ZNF695: variants seen among roughly 807,000 people sequenced by gnomAD.
The protein encoded by ZNF695 is zinc finger protein 695.
ZNF695 carries 11 observed loss-of-function variants against 11.2 expected under a neutral mutation model. The ratio of observed to expected loss-of-function variants is 0.98; its 90% CI spans 0.62 to 1.62. The LOEUF (loss-of-function observed/expected upper bound fraction) is 1.62. Ranked by LOEUF, ZNF695 falls within the 40% of genes most tolerant of loss-of-function variation. ZNF695 has a pLI of 0.00. For missense variants in ZNF695, 559 were observed against 590.5 expected (o/e 0.95, Z 0.55); for synonymous variants, 190 against 201.4 (o/e 0.94, Z 0.48).
chr1:246,959,715 C>A (rs540395797), intron 5 of ZNF695, among the ~76,000 whole-genome samples: 5 of 151,664 alleles, frequency 3.3e-5, no homozygotes. Context: ...TGTGAGCCAC[C>A]GTGCCTGGCC....
chr1:246,976,784 A>G (rs1201217140), intron 4 of ZNF695, among the ~76,000 whole-genome samples: 1 of 151,996 alleles, frequency 6.6e-6, no homozygotes, highest in Non-Finnish European at 1.5e-5. Context: ...ACAGAGCGAA[A>G]CTCCGTCTCA....
chr1:246,996,955 G>T (rs941709328), intron 3 of ZNF695, among the ~76,000 whole-genome samples: 1 of 152,100 alleles, frequency 6.6e-6, no homozygotes, highest in Non-Finnish European at 1.5e-5. Flanking sequence ...ATTTATAAAG[G>T]CAAACAAACT....
intron 4 of ZNF695, chr1:246,968,779 A>G (rs1395796346): frequency 6.6e-6 from 1 of 152,254 alleles, no homozygotes; most frequent in Non-Finnish European, 1.5e-5. Context: ...GAAGCCTCCA[A>G]GGCTTGTGTC....
At chr1:246,984,175 A>C (rs1195026859), downstream of ZNF695, among the ~76,000 whole-genome samples, 1 of 148,246 alleles carries the variant, frequency 6.7e-6, no homozygotes, top group Admixed American at 6.8e-5. Flanking sequence ...AAAAAAGAAG[A>C]AGAAAAAGAG....
chr1:246,990,319 T>A (rs1036239469), intron 3 of ZNF695, among the ~76,000 whole-genome samples: 27 of 152,316 alleles, frequency 1.8e-4, no homozygotes, highest in Middle Eastern at 3.4e-3. Context: ...GGAGTCACTA[T>A]ACTGGTGTCA....
At chr1:246,950,054 A>G (rs955004456) in intron 5 of ZNF695, among the ~76,000 whole-genome samples, 1 of 152,212 alleles carries the variant, frequency 6.6e-6, no homozygotes, top group African/African-American at 2.4e-5. Context: ...TTATTGTACT[A>G]AAGTCATATA....
At chr1:246,974,280 G>T (rs1307654493) in intron 4 of ZNF695, among the ~76,000 whole-genome samples, 7 of 152,128 alleles carry the variant, frequency 4.6e-5, no homozygotes, top group Non-Finnish European at 7.4e-5. Context: ...TCAGTTATTC[G>T]GGAAGACCAG....
chr1:247,004,550 A>T (rs564640957), intron 1 of ZNF695, among the ~76,000 whole-genome samples: 2 of 152,334 alleles, frequency 1.3e-5, no homozygotes, highest in South Asian at 4.1e-4. Flanking sequence ...GCCAACTTTC[A>T]CCAGTTACTC....
intron 5 of ZNF695, among the ~76,000 whole-genome samples, chr1:246,949,412 G>A (rs745385980): frequency 8.5e-5 from 13 of 152,146 alleles, no homozygotes; most frequent in Admixed American, 2.0e-4. Flanking sequence ...CCAACATGGC[G>A]AAACCCCGTC....
rs186110264 is a variant in ZNF695, at chr1:246,951,718, T to C, written c.489-5891A>G. ...AAATTGTCAGGAAAGCCAGCTTCTGTGTGGAAGATCCTTCCTGTGGGAACT... is the reference window on the plus strand; with the variant it reads ...AAATTGTCAGGAAAGCCAGCTTCTGCGTGGAAGATCCTTCCTGTGGGAACT... On this transcript the variant is annotated intron_variant, in intron 5 of 5. Transcript: ENST00000487338. Among the ~76,000 whole-genome samples the C allele has an allele frequency of 4.1e-4, 63 of 152,284 alleles. 1 individual carries two copies. Among genetic ancestry groups the C allele is most frequent in the Admixed American group, 2.9e-3 (45 of 15,290 alleles).
intron 1 of ZNF695, among the ~76,000 whole-genome samples, chr1:247,002,055 C>T (rs1228765151): frequency 1.3e-5 from 2 of 151,970 alleles, no homozygotes; most frequent in Non-Finnish European, 2.9e-5. Context: ...CTGCACATGG[C>T]ATATATTTTC....
intron 5 of ZNF695, among the ~76,000 whole-genome samples, chr1:246,954,704 T>C (rs531212465): frequency 8.7e-4 from 133 of 152,308 alleles, no homozygotes; most frequent in Middle Eastern, 3.4e-3. Flanking sequence ...GAATCTGGAT[T>C]AGACGATCTC....
chr1:246,966,214 C>A (rs569270923), intron 5 of ZNF695, among the ~76,000 whole-genome samples: 3 of 151,998 alleles, frequency 2.0e-5, no homozygotes, highest in African/African-American at 7.2e-5. Context: ...TGAGGTCGGG[C>A]GCGGTGGCTC....
chr1:246,963,775 T>C (rs1668221673), intron 5 of ZNF695, among the ~76,000 whole-genome samples: 1 of 152,166 alleles, frequency 6.6e-6, no homozygotes, highest in Admixed American at 6.5e-5. Flanking sequence ...ACCAGCTGGG[T>C]GATCTACAAT....
chr1:246,959,049 G>C (rs1004403504), intron 5 of ZNF695, among the ~76,000 whole-genome samples: 3 of 151,588 alleles, frequency 2.0e-5, no homozygotes, highest in African/African-American at 7.3e-5. Context: ...AGCACTTTGG[G>C]AGGCCAAGGT....
chr1:246,987,992 T>C lies in ZNF695; in HGVS notation c.523A>G (p.Lys175Glu). The change falls in exon 4 of 4, where the codon AAG becomes GAG. Residue 175 changes from lysine to glutamate, a missense_variant. Physicochemically the swap from Lys to Glu is moderately conservative, Grantham distance 56. Coordinates refer to ENST00000339986, the MANE Select transcript of ZNF695 (RefSeq NM_020394.5). ...FSKFANLNKC[K>E]ISHTGEKPFK... ...GGTTTTTCTCCAGTATGGCTTATCT[T>C]ACATTTATTTAGATTTGCAAATTTA... 1 of 1,598,916 alleles carries C rather than the reference T, an allele frequency of 6.3e-7. No homozygotes were observed. The highest frequency in any genetic ancestry group is 1.1e-5 in the South Asian group (1 of 88,138).
chr1:246,993,949 G>T (rs574387568), intron 3 of ZNF695, among the ~76,000 whole-genome samples: 65 of 151,630 alleles, frequency 4.3e-4, no homozygotes, highest in African/African-American at 1.5e-3. Context: ...CAACGTGGGC[G>T]GATCACTTGA....
chr1:247,001,297 G>A (rs1171235431), intron 1 of ZNF695, among the ~76,000 whole-genome samples: 1 of 151,946 alleles, frequency 6.6e-6, no homozygotes, highest in Non-Finnish European at 1.5e-5. Flanking sequence ...CAGGAGCAGA[G>A]GCTAATGCCT....
chr1:246,960,740 G>C (rs891315234), intron 5 of ZNF695, among the ~76,000 whole-genome samples: 1 of 151,984 alleles, frequency 6.6e-6, no homozygotes, highest in Non-Finnish European at 1.5e-5. Context: ...AGGAGTTCGC[G>C]AGCAGCCTGG....
Sources: allele counts gnomAD v4.1 joint callset (sites outside exome capture counted in the v4.1 genomes callset), GRCh38; gene constraint gnomAD v4.1.1; transcripts MANE v1.5; gene names NCBI Gene and HGNC (gene_info 2026-07-23, HGNC 2026-07-21).